Variants in NRG1 observed in about 807,000 individuals in gnomAD.
The protein encoded by NRG1 is neuregulin 1.
A neutral mutation model predicts 63.8 loss-of-function variants in NRG1; 18 were observed. The observed-to-expected ratio is 0.28, with a 90% CI of 0.19 to 0.42. The LOEUF (loss-of-function observed/expected upper bound fraction) is 0.42. Among genes scored for constraint, NRG1 ranks in the 10% least tolerant of loss-of-function variants. The pLI is 1.00. For missense variants in NRG1, 762 were observed against 814.7 expected, an observed-to-expected ratio of 0.94 and a Z score of 0.79; for synonymous variants, 302 against 301.3, an observed-to-expected ratio of 1.00 and a Z score of -0.02.
chr8:32,562,287 G>A lies in NRG1; in HGVS notation c.100+13461G>A, dbSNP rs558893284. 7.2e-5 allele frequency among the ~76,000 whole-genome samples: 11 copies of A among 152,078 alleles called. No homozygotes were observed. The East Asian group carries it at 7.7e-4, about 11-fold the overall frequency. Reference sequence around the variant, plus strand: ...ATTTTGAGACAGGTCTCGTTTGGTCGCCCAGGCTGGAGTGCAATAGTGTGA... The same window carrying A: ...ATTTTGAGACAGGTCTCGTTTGGTCACCCAGGCTGGAGTGCAATAGTGTGA... On this transcript the variant is annotated intron_variant, in intron 1 of 11. Transcript: ENST00000356819.
At chr8:32,459,822 T>C (rs1277156668) in intron 1 of NRG1, among the ~76,000 whole-genome samples, 1 of 152,228 alleles carries the variant, frequency 6.6e-6, no homozygotes, top group South Asian at 2.1e-4. Context: ...TTAGGGCCTT[T>C]GCAATTGCTA....
At chr8:32,554,576 C>T (rs1022299776) in intron 1 of NRG1, among the ~76,000 whole-genome samples, 1 of 152,136 alleles carries the variant, frequency 6.6e-6, no homozygotes, top group African/African-American at 2.4e-5. Flanking sequence ...AAAGCCTCTG[C>T]AGTAAATTCC....
At chr8:32,122,172 C>G (rs187103268) in intron 1 of NRG1, among the ~76,000 whole-genome samples, 2 of 151,892 alleles carry the variant, frequency 1.3e-5, no homozygotes, top group African/African-American at 2.4e-5. Context: ...TTCTTAATTT[C>G]ACAAAAACAA....
intron 1 of NRG1, among the ~76,000 whole-genome samples, chr8:32,354,372 A>C (rs921729766): frequency 1.0e-5 from 1 of 96,358 alleles, no homozygotes; most frequent in Non-Finnish European, 2.3e-5. Context: ...CCATCTCAAA[A>C]AACAACAACA....
At chr8:32,100,653 G>C (rs1296789744) in intron 1 of NRG1, among the ~76,000 whole-genome samples, 2 of 151,772 alleles carry the variant, frequency 1.3e-5, no homozygotes, top group African/African-American at 4.8e-5. Flanking sequence ...TAAGAAAGTG[G>C]AGCAAATTTG....
chr8:32,709,027 T>C (rs987059432), intron 5 of NRG1, among the ~76,000 whole-genome samples: 1 of 152,208 alleles, frequency 6.6e-6, no homozygotes, highest in Non-Finnish European at 1.5e-5. Context: ...TGGAAGAAAA[T>C]GTAAGAATGT....
intron 1 of NRG1, among the ~76,000 whole-genome samples, chr8:31,823,800 T>C (rs145558224): frequency 1.3e-5 from 2 of 152,352 alleles, no homozygotes; most frequent in African/African-American, 4.8e-5. Flanking sequence ...TATTTAACTT[T>C]CATGAAAATC....
chr8:31,640,185 C>A lies in NRG1; in HGVS notation c.37+754C>A. On this transcript the variant is annotated intron_variant, in intron 1 of 10. Transcript: ENST00000519301. This position sits in a 1 kb window ranked among gnomAD's most constrained non-coding sequence, Gnocchi z 6.3. ...CCTCGGTGTGCTACTCGTCCCCGCCCAGCGTGGGATCGGTGCAGGAGCTAG... is the reference window on the plus strand; with the variant it reads ...CCTCGGTGTGCTACTCGTCCCCGCCAAGCGTGGGATCGGTGCAGGAGCTAG... 1 of 1,187,768 alleles carries A rather than the reference C, an allele frequency of 8.4e-7. No homozygotes were observed. The highest frequency in any genetic ancestry group is 1.0e-6 in the Non-Finnish European group (1 of 958,958). The allele number at this position is 1,187,768 out of a possible 1,614,324, so 73.6% of individuals were successfully genotyped here. A position where few individuals can be genotyped will look rare whatever the true frequency, so the allele number is the denominator to read the frequency against.
chr8:32,258,510 A>G (rs1296937794), intron 1 of NRG1, among the ~76,000 whole-genome samples: 2 of 152,170 alleles, frequency 1.3e-5, no homozygotes, highest in Non-Finnish European at 2.9e-5. Context: ...GGTAATGTAT[A>G]GAGGAAAGAG....
intron 1 of NRG1, among the ~76,000 whole-genome samples, chr8:31,739,278 G>A (rs557178226): frequency 6.6e-6 from 1 of 151,984 alleles, no homozygotes; most frequent in African/African-American, 2.4e-5. Context: ...ATCATGCTTG[G>A]TACATTCATG....
intron 1 of NRG1, chr8:32,192,003 G>T (rs760449131): frequency 1.3e-5 from 2 of 152,222 alleles, no homozygotes; most frequent in African/African-American, 2.4e-5. Context: ...CTTTCTGCTG[G>T]CTCTGGTCTG....
intron 1 of NRG1, among the ~76,000 whole-genome samples, chr8:32,028,891 G>A (rs889329672): frequency 5.2e-5 from 6 of 114,768 alleles, no homozygotes; most frequent in Admixed American, 1.7e-4. Context: ...AGTGAAATGA[G>A]TGATGAAAAA....
intron 1 of NRG1, among the ~76,000 whole-genome samples, chr8:32,313,266 C>A (rs1268417837): frequency 6.6e-6 from 1 of 152,074 alleles, no homozygotes; most frequent in African/African-American, 2.4e-5. Context: ...TTAGGAGTAA[C>A]CTTTACCGGA....
At chr8:32,158,448 G>GATATAGATATATATATATATATAT (rs1554641399) in intron 1 of NRG1, among the ~76,000 whole-genome samples, 7 of 62,194 alleles carry the variant, frequency 1.1e-4, no homozygotes, top group Admixed American at 5.7e-4. Flanking sequence ...TGGTTTACAT[G>GATATAGATATATATATATATATAT]ATATATATAT....
At chr8:32,375,522 T>G (rs1291836932) in intron 1 of NRG1, among the ~76,000 whole-genome samples, 3 of 152,176 alleles carry the variant, frequency 2.0e-5, no homozygotes, top group Non-Finnish European at 4.4e-5. Context: ...GAGAAGATGT[T>G]GCCCATCCTT....
intron 1 of NRG1, among the ~76,000 whole-genome samples, chr8:31,852,130 G>T (rs1410208208): frequency 2.0e-5 from 3 of 151,764 alleles, no homozygotes; most frequent in African/African-American, 7.3e-5. Context: ...ACCCAGTAAT[G>T]GGATGGCTGG....
chr8:31,642,904 G>A (rs73235700), intron 1 of NRG1, among the ~76,000 whole-genome samples: 22,972 of 152,108 alleles, frequency 0.15, 1,861 homozygotes, highest in Admixed American at 0.22. Flanking sequence ...AAAACTGGAG[G>A]ATAAAAGCAA....
rs73246705 is a variant in NRG1, at chr8:31,926,266, C to T, written c.37+286835C>T. Among the ~76,000 whole-genome samples the T allele has an allele frequency of 7.4e-3, 1,129 of 152,128 alleles. 4 individuals are homozygous for T. Among genetic ancestry groups the T allele is most frequent in the Non-Finnish European group, 0.01 (682 of 68,018 alleles). Reference sequence around the variant, plus strand: ...TTTTTTCTTTATAGGTCCCAAACTCCAGTTTTTGTCTTTCAGTTCCATTAA... The same window carrying T: ...TTTTTTCTTTATAGGTCCCAAACTCTAGTTTTTGTCTTTCAGTTCCATTAA... On this transcript the variant is annotated intron_variant, in intron 1 of 10. Coordinates refer to the NRG1 transcript ENST00000519301.
In NRG1 at chr8:32,171,873, C is replaced by T. The variant is rs1032183620; in HGVS notation, c.38-423955C>T. On this transcript the variant is annotated intron_variant, in intron 1 of 10. Coordinates refer to the NRG1 transcript ENST00000519301. ...GAAGCTCGAACTGGGTGGAGCCAAC[C>T]GCAGCTCAAGGAGGCCTGTCTGCCT... is the stretch of plus-strand genomic sequence containing the variant. Among the ~76,000 whole-genome samples the T allele has an allele frequency of 1.2e-4, 19 of 152,118 alleles. No individual in the cohort carries two copies. The East Asian group carries it at 2.5e-3, about 20-fold the overall frequency.
Sources: allele counts gnomAD v4.1 joint callset (sites outside exome capture counted in the v4.1 genomes callset), GRCh38; gene constraint gnomAD v4.1.1; non-coding constraint Gnocchi (gnomAD v3.1); transcripts MANE v1.5; gene names NCBI Gene and HGNC (gene_info 2026-07-23, HGNC 2026-07-21).